ZKSCAN4: variants seen among roughly 807,000 people sequenced by gnomAD.
ZKSCAN4 encodes zinc finger with KRAB and SCAN domains 4, also known as zinc finger protein with KRAB and SCAN domains 4.
A neutral mutation model predicts 30.8 loss-of-function variants in ZKSCAN4; 23 were observed. That is an observed-to-expected ratio of 0.75 (90% CI 0.54 to 1.06). ZKSCAN4 has a LOEUF of 1.06. Ranked by LOEUF, ZKSCAN4 falls within the 50% of genes least tolerant of loss-of-function variation. ZKSCAN4 has a pLI of 0.00. For synonymous variants in ZKSCAN4, 208 were observed against 252.5 expected (o/e 0.82, Z 1.67); for missense variants, 556 against 665.4 (o/e 0.84, Z 1.81).
At chr6:28,248,016 A>G (rs1411986901) in intron 3 of ZKSCAN4, 51 bp downstream of exon 3, 5 of 1,394,000 alleles carry the variant, frequency 3.6e-6, no homozygotes, top group Non-Finnish European at 4.0e-6. Context: ...GCGGAGCCCA[A>G]CAGTAGTGAA....
rs1028465386 is a variant in ZKSCAN4, at chr6:28,251,142, A to G, written c.423+416T>C. ...TGGAAGCAACAAATCAAGGTAGCAT[A>G]AGCAGTACCCAGGACTTTGTCACCA... On this transcript the variant is annotated intron_variant, in intron 1 of 4. Transcript: ENST00000377294. The surrounding 1 kb of genome is among the most constrained non-coding windows in gnomAD (Gnocchi z 4.5). Among the ~76,000 whole-genome samples, 3 of 152,180 alleles carry G rather than the reference A, an allele frequency of 2.0e-5. No homozygotes were observed. The highest frequency in any genetic ancestry group is 7.2e-5 in the African/African-American group (3 of 41,424).
Position 28,249,582 on chromosome 6 carries a change from CTGTGA to C in ZKSCAN4, c.571+100_571+104del. ...AGTCTCAGTCTTAAAATACAGCTCT[CTGTGA>C]TGAGTATATAAAGTAACTGTAAATG... On this transcript the variant is annotated intron_variant, in intron 2 of 4. Coordinates refer to ENST00000377294, the MANE Select transcript of ZKSCAN4 (RefSeq NM_019110.5). The surrounding 1 kb of genome is among the most constrained non-coding windows in gnomAD (Gnocchi z 4.1). 3 of 1,335,020 alleles carry C rather than the reference CTGTGA, an allele frequency of 2.2e-6. No individual in the cohort carries two copies. Among genetic ancestry groups the C allele is most frequent in the Non-Finnish European group, 3.0e-6 (3 of 991,498 alleles). The allele number at this position is 1,335,020 out of a possible 1,614,324, so 82.7% of individuals were successfully genotyped here. A position where few individuals can be genotyped will look rare whatever the true frequency, so the allele number is the denominator to read the frequency against.
At chr6:28,250,473 C>T (rs1760946357) in intron 1 of ZKSCAN4, among the ~76,000 whole-genome samples, 1 of 152,188 alleles carries the variant, frequency 6.6e-6, no homozygotes, top group Non-Finnish European at 1.5e-5. Flanking sequence ...GTGTTCTTAC[C>T]ATTACTCTAG....
the ZKSCAN4 span, among the ~76,000 whole-genome samples, chr6:28,257,567 T>C: frequency 6.6e-6 from 1 of 152,190 alleles, no homozygotes; most frequent in African/African-American, 2.4e-5. Context: ...AAAAAAACAG[T>C]TATCTCTTCC....
chr6:28,250,235 T>C (rs1399305091), intron 1 of ZKSCAN4, among the ~76,000 whole-genome samples: 3 of 152,110 alleles, frequency 2.0e-5, no homozygotes, highest in Non-Finnish European at 4.4e-5. Context: ...GCCCGGCTAA[T>C]GTTTTGTACT....
upstream of ZKSCAN4, among the ~76,000 whole-genome samples, chr6:28,253,219 A>G (rs1040606172): frequency 1.3e-5 from 2 of 152,198 alleles, no homozygotes; most frequent in African/African-American, 4.8e-5. This position sits in a 1 kb window ranked among gnomAD's most constrained non-coding sequence, Gnocchi z 4.2. Flanking sequence ...TTAAGCCATA[A>G]TTGACTGTAA....
At position 28,245,971 on chromosome 6, in the gene ZKSCAN4, A is replaced by G. The variant is rs374414673; in HGVS notation, c.783T>C (p.Gly261=). The G allele has an allele frequency of 8.6e-5, 138 of 1,613,892 alleles. No individual in the cohort carries two copies. The highest frequency in any genetic ancestry group is 1.6e-4 in the Middle Eastern group (1 of 6,084). Residue 261 remains glycine (G), a synonymous_variant, in exon 5 of 5, where the codon GGT becomes GGC. Transcript: ENST00000377294. ...ENHSSLVSLG[G]EIQTKSRDLP... The stretch of plus-strand genomic sequence containing the variant: ...AGTCCCTGCTCTTAGTCTGTATTTC[A>G]CCACCTGAAACAACAAATGGCCGGC...
Position 28,245,383 on chromosome 6 carries a change from T to A in ZKSCAN4, c.1371A>T (p.Lys457Asn). 6.2e-7 allele frequency: 1 copy of A among 1,614,240 alleles called. No individual in the cohort carries two copies. Among genetic ancestry groups the A allele is most frequent in the Non-Finnish European group, 8.5e-7 (1 of 1,180,044 alleles). ...LLRHQRIHGD[K>N]NVQNPEHGES... ...CCCCGTGCTCAGGATTCTGAACATT[T>A]TTATCACCATGAATCCTCTGATGTC... The change falls in exon 5 of 5, where the codon AAA (lysine) becomes AAT (asparagine). Residue 457 changes from lysine (K) to asparagine (N), a missense_variant. By Grantham distance (94) the Lys-to-Asn change is moderately conservative. This residue lies in a region of ZKSCAN4 where 433 missense variants were observed against 511.5 expected (regional missense o/e 0.85). Transcript: ENST00000377294.
At chr6:28,258,517 C>G in the ZKSCAN4 span, among the ~76,000 whole-genome samples, 35 of 151,566 alleles carry the variant, frequency 2.3e-4, 1 homozygote, top group Admixed American at 2.2e-3. Flanking sequence ...GTGGCTCACA[C>G]CTGTAATTCC....
Position 28,241,784 on chromosome 6 carries a change from C to A in ZKSCAN4, c.*3332G>T, listed in dbSNP as rs1014357069. 6.6e-6 allele frequency among the ~76,000 whole-genome samples: 1 copy of A among 152,132 alleles called. No individual in the cohort carries two copies. Among genetic ancestry groups the A allele is most frequent in the Admixed American group, 6.5e-5 (1 of 15,272 alleles). ...GTTTCCATTAACAAAGTGTTAATCT[C>A]CATTTCTCTACCAGTTAGCAACATT... is the stretch of plus-strand genomic sequence containing the variant. On this transcript the variant is annotated 3_prime_UTR_variant, in exon 5 of 5. Coordinates refer to ENST00000377294, the MANE Select transcript of ZKSCAN4 (RefSeq NM_019110.5).
rs1024585981 is a variant in ZKSCAN4 at position 28,249,874 on chromosome 6, A to C, written c.424-40T>G. 1.9e-6 allele frequency: 3 copies of C among 1,606,358 alleles called. No homozygotes were observed. Among genetic ancestry groups the C allele is most frequent in the South Asian group, 2.2e-5 (2 of 89,916 alleles). On this transcript the variant is annotated intron_variant, in intron 1 of 4. Coordinates refer to ENST00000377294, the MANE Select transcript of ZKSCAN4 (RefSeq NM_019110.5). This position sits in a 1 kb window ranked among gnomAD's most constrained non-coding sequence, Gnocchi z 4.1. The stretch of plus-strand genomic sequence containing the variant: ...TTTTAGTTATCTACCCAACATTTCT[A>C]TGTTTTCCATGTGCAAGTGATTTCT...
Position 28,243,940 on chromosome 6 carries a change from C to T in ZKSCAN4, c.*1176G>A, listed in dbSNP as rs1408235010. On this transcript the variant is annotated 3_prime_UTR_variant, in exon 5 of 5. Coordinates refer to ENST00000377294, the MANE Select transcript of ZKSCAN4 (RefSeq NM_019110.5). ...ACAGCCTCCCAAATTGCTGGGATTA[C>T]AGGTGTAAGCCATGGCACCCAGCCT... 6.6e-6 allele frequency among the ~76,000 whole-genome samples: 1 copy of T among 152,158 alleles called. No individual in the cohort carries two copies. Among genetic ancestry groups the T allele is most frequent in the Non-Finnish European group, 1.5e-5 (1 of 68,016 alleles).
chr6:28,254,559 C>T (rs964087961), upstream of ZKSCAN4, among the ~76,000 whole-genome samples: 2 of 152,206 alleles, frequency 1.3e-5, no homozygotes, highest in African/African-American at 4.8e-5. Context: ...TCATTCCTCC[C>T]TCAGGGATTA....
chr6:28,249,469 C>A lies in ZKSCAN4; in HGVS notation c.571+218G>T, dbSNP rs1053825749. 2.0e-5 allele frequency among the ~76,000 whole-genome samples: 3 copies of A among 152,130 alleles called. No homozygotes were observed. The highest frequency in any genetic ancestry group is 4.4e-5 in the Non-Finnish European group (3 of 68,022). The stretch of plus-strand genomic sequence containing the variant: ...CACCATGTTGTTTAAAAAACCGATT[C>A]TTTCTAGACATCAATTTTAATAAAA... On this transcript the variant is annotated intron_variant, in intron 2 of 4. Coordinates refer to ENST00000377294, the MANE Select transcript of ZKSCAN4 (RefSeq NM_019110.5). This position sits in a 1 kb window ranked among gnomAD's most constrained non-coding sequence, Gnocchi z 4.1.
At chr6:28,246,590 T>TC (rs1184736088) in intron 4 of ZKSCAN4, among the ~76,000 whole-genome samples, 1 of 152,120 alleles carries the variant, frequency 6.6e-6, no homozygotes, top group Non-Finnish European at 1.5e-5. Context: ...CTGTAGTTGA[T>TC]GTCTAAGGTT....
At position 28,249,539 on chromosome 6, in the gene ZKSCAN4, T is replaced by C. The variant is rs1760894516; in HGVS notation, c.571+148A>G. On this transcript the variant is annotated intron_variant, in intron 2 of 4. Transcript: ENST00000377294. This position sits in a 1 kb window ranked among gnomAD's most constrained non-coding sequence, Gnocchi z 4.1. ...GTTTGGTTAGGAAAGTTTTTCACCA[T>C]TGTTTGAAATTTCTCTTAGTCTCAG... is the stretch of plus-strand genomic sequence containing the variant. 9 of 925,844 alleles carry C rather than the reference T, an allele frequency of 9.7e-6. No homozygotes were observed. Among genetic ancestry groups the C allele is most frequent in the Non-Finnish European group, 1.2e-5 (8 of 656,096 alleles). The allele number at this position is 925,844 out of a possible 1,614,324, so 57.4% of individuals were successfully genotyped here.
the ZKSCAN4 span, among the ~76,000 whole-genome samples, chr6:28,257,583 A>G: frequency 6.6e-6 from 1 of 152,238 alleles, no homozygotes; most frequent in Non-Finnish European, 1.5e-5. Flanking sequence ...CTTCCTTGGA[A>G]TAATTGAACA....
chr6:28,250,954 AG>A (rs1760967646), intron 1 of ZKSCAN4, among the ~76,000 whole-genome samples: 1 of 152,224 alleles, frequency 6.6e-6, no homozygotes, highest in East Asian at 1.9e-4. Context: ...CTCATAAAAC[AG>A]GGAAGAACAT....
chr6:28,253,511 A>G (rs1049863145), upstream of ZKSCAN4, among the ~76,000 whole-genome samples: 1 of 152,246 alleles, frequency 6.6e-6, no homozygotes, highest in Non-Finnish European at 1.5e-5. The surrounding 1 kb of genome is among the most constrained non-coding windows in gnomAD (Gnocchi z 4.2). Flanking sequence ...AAGTATCCTT[A>G]TAAGTGAACT....
Sources: gnomAD v4.1 joint callset for allele counts (sites outside exome capture counted in the v4.1 genomes callset) on GRCh38, gnomAD v4.1.1 for gene constraint, gnomAD v4.1.1 regional missense constraint, Gnocchi (gnomAD v3.1) non-coding constraint, MANE v1.5 for transcripts, NCBI Gene and HGNC (gene_info 2026-07-23, HGNC 2026-07-21) for gene names.